Variants in HPS4 observed in about 807,000 individuals in gnomAD.
The protein encoded by HPS4 is BLOC-3 complex member HPS4.
A neutral mutation model predicts 70.3 loss-of-function variants in HPS4; 44 were observed. The observed-to-expected ratio is 0.63, with a 90% CI of 0.49 to 0.80. HPS4 has a LOEUF of 0.80. HPS4 is among the 30% of genes least tolerant of loss of function. The pLI, the probability that HPS4 is intolerant of heterozygous loss-of-function variation, is 0.00. For missense variants in HPS4, 873 were observed against 884.4 expected (o/e 0.99, Z 0.16); for synonymous variants, 377 against 355.9 (o/e 1.06, Z -0.67).
In HPS4 at chr22:26,452,004, GCA is replaced by G. The variant is rs134978; in HGVS notation, c.*1227_*1228del. 1,133 of 106,142 alleles carry G rather than the reference GCA, an allele frequency of 0.011. 19 individuals carry two copies. Among genetic ancestry groups the G allele is most frequent in the East Asian group, 0.076 (328 of 4,334 alleles). 6.6% of individuals were successfully genotyped at this position (106,142 alleles called of 1,614,324 possible). ...CCACGTTACGCGCGCGCGCGCGCGCGCACACACACACACACACACACACACAC... is the reference window on the plus strand; with the variant it reads ...CCACGTTACGCGCGCGCGCGCGCGCGCACACACACACACACACACACACAC... On this transcript the variant is annotated 3_prime_UTR_variant, in exon 14 of 14. Coordinates refer to ENST00000398145, the MANE Select transcript of HPS4 (RefSeq NM_022081.6).
At chr22:26,469,082 T>C (rs2089282204) in intron 7 of HPS4, among the ~76,000 whole-genome samples, 1 of 152,052 alleles carries the variant, frequency 6.6e-6, no homozygotes, top group Admixed American at 6.5e-5. Flanking sequence ...TATGCATACA[T>C]GTACCAGTGG....
downstream of HPS4, chr22:26,443,258 A>G (rs754040749): frequency 1.2e-5 from 18 of 1,480,738 alleles, no homozygotes; most frequent in Non-Finnish European, 1.7e-5. Context: ...GGGCCTGGGC[A>G]GACTGTGGTC....
chr22:26,463,230 T>C (rs1045599641), intron 11 of HPS4, among the ~76,000 whole-genome samples: 2 of 152,058 alleles, frequency 1.3e-5, no homozygotes, highest in East Asian at 1.9e-4. Context: ...GGGGCTGCAA[T>C]AGTTTAAGAG....
rs758568345 is a variant in HPS4, at chr22:26,463,964, G to A, written c.1666C>T (p.Leu556=). 1.2e-6 allele frequency: 2 copies of A among 1,614,122 alleles called. No homozygotes were observed. Among genetic ancestry groups the A allele is most frequent in the Non-Finnish European group, 1.7e-6 (2 of 1,180,038 alleles). ...HCVKGLVLSL[L]AEEPLLGDSA... is the part of the protein sequence containing the mutation. ...TCTCCCAGCAGCGGCTCCTCAGCCAGCAGGGACAGCACCAGCCCTTTGACG... is the reference window on the plus strand; with the variant it reads ...TCTCCCAGCAGCGGCTCCTCAGCCAACAGGGACAGCACCAGCCCTTTGACG... The change falls in exon 11 of 14, where the codon CTG becomes TTG. Residue 556 remains leucine, a synonymous_variant. Transcript: ENST00000398145.
At chr22:26,477,650 T>C (rs1357774317) in intron 3 of HPS4, among the ~76,000 whole-genome samples, 1 of 152,184 alleles carries the variant, frequency 6.6e-6, no homozygotes, top group Non-Finnish European at 1.5e-5. Flanking sequence ...CCAGACAGTA[T>C]GGGATACACA....
chr22:26,443,196 C>T (rs868194157), downstream of HPS4: 27 of 1,613,966 alleles, frequency 1.7e-5, no homozygotes, highest in East Asian at 2.2e-5. Context: ...ATCTTTGCTC[C>T]GGGACGATGA....
At chr22:26,457,800 G>A (rs1383980900) in intron 13 of HPS4, 59 bp downstream of exon 13, 1 of 1,293,562 alleles carries the variant, frequency 7.7e-7, no homozygotes, top group African/African-American at 1.4e-5. Context: ...GGCCCCACAG[G>A]TGGTTCCCAT....
chr22:26,456,921 CATA>C (rs2146329159), intron 13 of HPS4, among the ~76,000 whole-genome samples: 1 of 152,188 alleles, frequency 6.6e-6, no homozygotes, highest in South Asian at 2.1e-4. Flanking sequence ...TTACAATAAT[CATA>C]ATATTTCTTC....
Position 26,468,596 on chromosome 22 carries a change from G to C in HPS4, c.624C>G (p.Ser208=). The C allele has an allele frequency of 6.2e-7, 1 of 1,614,144 alleles. No homozygotes were observed. Among genetic ancestry groups the C allele is most frequent in the Non-Finnish European group, 8.5e-7 (1 of 1,180,006 alleles). The change falls in exon 8 of 14, where the codon TCC becomes TCG. Residue 208 remains serine, a synonymous_variant. Coordinates refer to ENST00000398145, the MANE Select transcript of HPS4 (RefSeq NM_022081.6). ...GGTGAAGCAGGACCTTGGCGGTGAG[G>C]GAGGGCGGGAGTTGGGTGCTGACAA... ...GLIVSTQLPP[S]LTAKVLLHRT...
rs1046054798 is a variant in HPS4 at position 26,464,308 on chromosome 22, T to G, written c.1322A>C (p.Glu441Ala). 2 of 1,613,944 alleles carry G rather than the reference T, an allele frequency of 1.2e-6. No individual in the cohort carries two copies. Among genetic ancestry groups the G allele is most frequent in the African/African-American group, 2.7e-5 (2 of 74,908 alleles). ...ATGGCCAGGATGGTCTTCGAGCTGC[T>G]CTTGGGCTCCATGCTGGGTCAGCAT... The part of the protein sequence containing the change: ...PEMLTQHGAQ[E>A]QLEDHPGHSS... Residue 441 changes from glutamate to alanine, a missense_variant, in exon 11 of 14, where the codon GAG becomes GCG. Glu to Ala is a moderately radical substitution (Grantham distance 107, BLOSUM62 -1). Transcript: ENST00000398145.
In HPS4 at chr22:26,451,998, G is replaced by A. The variant is rs1235169942; in HGVS notation, c.*1235C>T. On this transcript the variant is annotated 3_prime_UTR_variant, in exon 14 of 14. Coordinates refer to ENST00000398145, the MANE Select transcript of HPS4 (RefSeq NM_022081.6). ...ATGCGCCCACGTTACGCGCGCGCGC[G>A]CGCGCGCACACACACACACACACAC... 696 of 61,360 alleles carry A rather than the reference G, an allele frequency of 0.011. 3 individuals are homozygous for A. Among genetic ancestry groups the A allele is most frequent in the Middle Eastern group, 0.024 (3 of 124 alleles). The allele number at this position is 61,360 out of a possible 1,614,324, so 3.8% of individuals were successfully genotyped here.
At chr22:26,468,679 C>A (rs1250344863) in intron 7 of HPS4, 56 bp from the exon 8 acceptor site, 3 of 1,537,108 alleles carry the variant, frequency 2.0e-6, no homozygotes, top group African/African-American at 2.7e-5. Flanking sequence ...CCAAAACACT[C>A]CAAATTTTAA....
intron 12 of HPS4, 111 bp downstream of exon 12, chr22:26,458,334 A>G: frequency 7.2e-7 from 1 of 1,388,474 alleles, no homozygotes; most frequent in Middle Eastern, 2.2e-4. Flanking sequence ...AACGCAGGTC[A>G]GACAACTCTG....
rs1200535525 is a variant in HPS4, at chr22:26,452,986, C to T, written c.*247G>A. 5.9e-6 allele frequency: 3 copies of T among 510,676 alleles called. No individual in the cohort carries two copies. Among genetic ancestry groups the T allele is most frequent in the African/African-American group, 3.9e-5 (2 of 51,932 alleles). 31.6% of individuals were successfully genotyped at this position (510,676 alleles called of 1,614,324 possible). The stretch of plus-strand genomic sequence containing the variant: ...GGCAGAGAGGGAGCCAAGCCCGTCC[C>T]GGCCCCAACACTACCGATTAAATAC... On this transcript the variant is annotated 3_prime_UTR_variant, in exon 14 of 14. Transcript: ENST00000398145.
intron 4 of HPS4, 90 bp from the exon 5 acceptor site, chr22:26,473,029 A>G: frequency 9.3e-7 from 1 of 1,071,466 alleles, no homozygotes; most frequent in Non-Finnish European, 1.4e-6. Flanking sequence ...CAATTACCTG[A>G]CTTCACTGGC....
rs1013920231 is a variant in HPS4, at chr22:26,458,113, T to C, written c.1847-146A>G. 7.9e-5 allele frequency: 61 copies of C among 770,374 alleles called. No individual in the cohort carries two copies. The East Asian group carries it at 9.6e-4, about 12-fold the overall frequency. The allele number at this position is 770,374 out of a possible 1,614,324, so 47.7% of individuals were successfully genotyped here. The stretch of plus-strand genomic sequence containing the variant: ...GGGGCAGAGACAAAGGCCCGGGGCA[T>C]TGGGCTTCGGCTGCCGCCGCTGTGC... On this transcript the variant is annotated intron_variant, in intron 12 of 13. Coordinates refer to ENST00000398145, the MANE Select transcript of HPS4 (RefSeq NM_022081.6).
intron 6 of HPS4, among the ~76,000 whole-genome samples, chr22:26,471,837 A>G (rs991235026): frequency 3.3e-5 from 5 of 152,226 alleles, no homozygotes; most frequent in African/African-American, 1.2e-4. Context: ...GGTTTCACTG[A>G]GTGCCAACCG....
intron 13 of HPS4, among the ~76,000 whole-genome samples, chr22:26,454,993 A>G (rs994720437): frequency 6.6e-6 from 1 of 152,370 alleles, no homozygotes; most frequent in Non-Finnish European, 1.5e-5. Context: ...GCTCATCATC[A>G]CTGGCCATCA....
intron 8 of HPS4, 165 bp from the exon 9 acceptor site, chr22:26,466,427 A>G: frequency 3.9e-6 from 3 of 771,700 alleles, no homozygotes; most frequent in East Asian, 2.7e-5. Flanking sequence ...AGCTCCCCCA[A>G]GCTGCTGGCT....
Sources: gnomAD v4.1 joint callset for allele counts (sites outside exome capture counted in the v4.1 genomes callset) on GRCh38, gnomAD v4.1.1 for gene constraint, MANE v1.5 for transcripts, NCBI Gene and HGNC (gene_info 2026-07-23, HGNC 2026-07-21) for gene names.